AZIN1: variants seen among roughly 807,000 people sequenced by gnomAD.
AZIN1 encodes antizyme inhibitor 1.
A neutral mutation model predicts 47.4 loss-of-function variants in AZIN1; 12 were observed. That is an observed-to-expected ratio of 0.25 (90% CI 0.16 to 0.41). The LOEUF (loss-of-function observed/expected upper bound fraction) is 0.41, where lower values mean the gene tolerates loss of function less well. Ranked by LOEUF, AZIN1 falls within the 10% of genes least tolerant of loss-of-function variation. AZIN1 has a pLI of 1.00. For synonymous variants in AZIN1, 155 were observed against 176.3 expected (o/e 0.88, Z 0.96); for missense variants, 410 against 532.4 (o/e 0.77, Z 2.26).
intron 2 of AZIN1, among the ~76,000 whole-genome samples, chr8:102,846,409 C>T (rs1812572241): frequency 6.6e-6 from 1 of 152,186 alleles, no homozygotes; most frequent in Admixed American, 6.5e-5. Context: ...GCTAAGCTAG[C>T]TTAAATCTAA....
chr8:102,856,752 T>C (rs192699525), intron 2 of AZIN1, among the ~76,000 whole-genome samples: 2 of 152,360 alleles, frequency 1.3e-5, no homozygotes, highest in East Asian at 1.9e-4. Flanking sequence ...ATCAGGTATG[T>C]TGCAAATAGA....
At chr8:102,840,913 A>G (rs1030203785) in intron 3 of AZIN1, among the ~76,000 whole-genome samples, 1 of 152,246 alleles carries the variant, frequency 6.6e-6, no homozygotes, top group African/African-American at 2.4e-5. Flanking sequence ...CCAAGATATG[A>G]TATCTATGGT....
intron 2 of AZIN1, chr8:102,850,246 T>G (rs1812836376): frequency 6.6e-6 from 1 of 152,202 alleles, no homozygotes; most frequent in South Asian, 2.1e-4. Flanking sequence ...TCTAAAAGGA[T>G]TTTTACTCAT....
intron 2 of AZIN1, among the ~76,000 whole-genome samples, chr8:102,845,727 G>C (rs1405984873): frequency 6.6e-6 from 1 of 151,918 alleles, no homozygotes; most frequent in African/African-American, 2.4e-5. Flanking sequence ...AACCTTTTTG[G>C]CATAGCAGCC....
In AZIN1 at chr8:102,842,788, C is replaced by T. The variant is rs190105075; in HGVS notation, c.102+763G>A. 1.3e-4 allele frequency among the ~76,000 whole-genome samples: 20 copies of T among 151,370 alleles called. No homozygotes were observed. The East Asian group carries it at 3.5e-3, about 27-fold the overall frequency. On this transcript the variant is annotated intron_variant, in intron 3 of 11. Coordinates refer to ENST00000337198, the MANE Select transcript of AZIN1 (RefSeq NM_148174.4). ...GCACAGACCTGTAATCCCAGCTACT[C>T]GGGAGGCTGAGGCATAAGGATCCTA...
chr8:102,829,771 C>G, intron 10 of AZIN1, 50 bp downstream of exon 10: 1 of 1,343,568 alleles, frequency 7.4e-7, no homozygotes, highest in African/African-American at 1.5e-5. Context: ...AAAATAACAG[C>G]TCAGCTTATA....
chr8:102,841,913 C>A (rs1334997629), intron 3 of AZIN1, among the ~76,000 whole-genome samples: 1 of 151,352 alleles, frequency 6.6e-6, no homozygotes, highest in Non-Finnish European at 1.5e-5. Context: ...GAGTTTGAGA[C>A]CAGACTGGTC....
intron 1 of AZIN1, among the ~76,000 whole-genome samples, chr8:102,860,209 G>C (rs1563552757): frequency 6.6e-6 from 1 of 152,190 alleles, no homozygotes; most frequent in South Asian, 2.1e-4. Flanking sequence ...TTAGAGAATA[G>C]CACAGAGAGG....
intron 1 of AZIN1, among the ~76,000 whole-genome samples, chr8:102,863,093 G>A (rs547642739): frequency 4.6e-5 from 7 of 152,366 alleles, no homozygotes; most frequent in South Asian, 4.1e-4. Flanking sequence ...GCGCCGCAGG[G>A]GCGGAGCAGC....
At chr8:102,849,368 A>T (rs1286272942) in intron 2 of AZIN1, among the ~76,000 whole-genome samples, 2 of 152,196 alleles carry the variant, frequency 1.3e-5, no homozygotes, top group Non-Finnish European at 2.9e-5. Flanking sequence ...CTAAGAATGC[A>T]GACTCAAACC....
chr8:102,836,534 A>C, intron 5 of AZIN1, 144 bp from the exon 6 acceptor site: 1 of 864,134 alleles, frequency 1.2e-6, no homozygotes, highest in Non-Finnish European at 1.8e-6. Context: ...ACCTAATGAA[A>C]AACAATCCTG....
Position 102,834,733 on chromosome 8 carries a change from C to T in AZIN1, c.599G>A (p.Ser200Asn). The T allele has an allele frequency of 6.2e-6, 10 of 1,611,114 alleles. No homozygotes were observed. The highest frequency in any genetic ancestry group is 8.5e-6 in the Non-Finnish European group (10 of 1,178,164). Residue 200 changes from serine (S) to asparagine (N), a missense_variant, in exon 7 of 12, where the codon AGT (serine) becomes AAT (asparagine). By Grantham distance (46) the Ser-to-Asn change is conservative (BLOSUM62 1). Around this residue, in one of 3 missense-constraint regions of AZIN1, gnomAD observed 237 missense variants for 309.4 expected, o/e 0.77. Transcript: ENST00000337198. ...QIIGVKFHVS[S>N]ACKESQVYVH... is the part of the protein sequence containing the mutation. The stretch of plus-strand genomic sequence containing the variant: ...ATATACTTGAGATTCTTTGCAAGCA[C>T]TCGAAACATGAAATCTGAAACACAT...
At position 102,826,373 on chromosome 8, in the gene AZIN1, T is replaced by A. The variant is rs1201978291; in HGVS notation, c.*2194A>T. ...AGTAAAACATGAGGAATAAAAACAT[T>A]TATCTATGTATTCAGAATCACACAC... On this transcript the variant is annotated 3_prime_UTR_variant, in exon 12 of 12. Coordinates refer to ENST00000337198, the MANE Select transcript of AZIN1 (RefSeq NM_148174.4). The A allele has an allele frequency of 6.6e-6, 1 of 152,640 alleles. No individual in the cohort carries two copies. The highest frequency in any genetic ancestry group is 1.5e-5 in the Non-Finnish European group (1 of 68,020). 9.5% of individuals were successfully genotyped at this position (152,640 alleles called of 1,614,324 possible).
chr8:102,863,367 G>A (rs1432218217), intron 1 of AZIN1, among the ~76,000 whole-genome samples: 1 of 151,224 alleles, frequency 6.6e-6, no homozygotes, highest in Non-Finnish European at 1.5e-5. Context: ...CAAAGGTGGC[G>A]GCGGCGCACC....
intron 11 of AZIN1, among the ~76,000 whole-genome samples, chr8:102,829,024 A>G (rs573263165): frequency 6.6e-6 from 1 of 152,352 alleles, no homozygotes; most frequent in South Asian, 2.1e-4. Flanking sequence ...ACAGAGTAAC[A>G]TGCTGTACAG....
rs1237563325 is a variant in AZIN1 at position 102,829,407 on chromosome 8, C to G, written c.1100G>C (p.Ser367Thr). Residue 367 changes from serine (S) to threonine (T), a missense_variant, in exon 11 of 12, where the codon AGC (serine) becomes ACC (threonine). Transcript: ENST00000337198. ...CACATTCAGCTCAGGAAGAAGACAG[C>G]TTTCCACAATTTGATCAAGCTCATC... ...SCDELDQIVE[S>T]CLLPELNVGD... 19 of 1,613,950 alleles carry G rather than the reference C, an allele frequency of 1.2e-5. No homozygotes were observed. The highest frequency in any genetic ancestry group is 1.6e-5 in the Non-Finnish European group (19 of 1,179,960).
Position 102,836,379 on chromosome 8 carries a change from T to A in AZIN1, c.461A>T (p.His154Leu). The A allele has an allele frequency of 6.2e-7, 1 of 1,614,020 alleles. No individual in the cohort carries two copies. Among genetic ancestry groups the A allele is most frequent in the Non-Finnish European group, 8.5e-7 (1 of 1,179,910 alleles). The change falls in exon 6 of 12, where the codon CAT becomes CTT. Residue 154 changes from histidine to leucine, a missense_variant. Around this residue, in one of 3 missense-constraint regions of AZIN1, gnomAD observed 237 missense variants for 309.4 expected, o/e 0.77. Coordinates refer to ENST00000337198, the MANE Select transcript of AZIN1 (RefSeq NM_148174.4). ...RNHPNAKVLLHIATEDNIGGE... is the reference protein window; with the variant it reads ...RNHPNAKVLLLIATEDNIGGE... ...TCCAATATTATCTTCTGTTGCAATA[T>A]GTAGTAAGACCCTAAGAGAAGGGGA...
At position 102,836,408 on chromosome 8, in the gene AZIN1, G is replaced by A; in HGVS notation, c.450-18C>T. 6.2e-7 allele frequency: 1 copy of A among 1,612,670 alleles called. No homozygotes were observed. The highest frequency in any genetic ancestry group is 8.5e-7 in the Non-Finnish European group (1 of 1,179,044). ...GTAAGACCCTAAGAGAAGGGGAGAT[G>A]ATTGGGGCAGAGTTGGTTTACATCA... On this transcript the variant is annotated intron_variant, in intron 5 of 11. Transcript: ENST00000337198.
At chr8:102,846,361 C>T (rs1296092715) in intron 2 of AZIN1, among the ~76,000 whole-genome samples, 2 of 152,292 alleles carry the variant, frequency 1.3e-5, no homozygotes, top group East Asian at 3.9e-4. Flanking sequence ...CAAATATTTT[C>T]AAACCATATA....
Sources: allele counts gnomAD v4.1 joint callset (sites outside exome capture counted in the v4.1 genomes callset), GRCh38; gene constraint gnomAD v4.1.1; regional missense constraint gnomAD v4.1.1; transcripts MANE v1.5; gene names NCBI Gene and HGNC (gene_info 2026-07-23, HGNC 2026-07-21).